The following TNFRSF8 variants were observed in gnomAD, a reference collection of about 807,000 sequenced individuals.
TNFRSF8 encodes tumor necrosis factor receptor superfamily member 8.
In TNFRSF8, 26 loss-of-function variants were observed where a neutral mutation model predicts 70.8. The observed-to-expected ratio is 0.37, with a 90% CI of 0.27 to 0.51. TNFRSF8 has a LOEUF of 0.51. Among genes scored for constraint, TNFRSF8 ranks in the 20% least tolerant of loss-of-function variants. TNFRSF8 has a pLI of 0.94. For synonymous variants in TNFRSF8, 356 were observed against 339.2 expected (o/e 1.05, Z -0.54); for missense variants, 720 against 807.9 (o/e 0.89, Z 1.32).
chr1:12,095,584 G>A (rs1388609307), intron 2 of TNFRSF8, among the ~76,000 whole-genome samples: 3 of 152,170 alleles, frequency 2.0e-5, no homozygotes, highest in South Asian at 2.1e-4. Context: ...CACCGCACCC[G>A]GCCTGTTACT....
chr1:12,106,612 G>A (rs2100998629), intron 4 of TNFRSF8, among the ~76,000 whole-genome samples: 1 of 152,246 alleles, frequency 6.6e-6, no homozygotes, highest in South Asian at 2.1e-4. Flanking sequence ...TAAGATATGG[G>A]GACACCTGAC....
intron 2 of TNFRSF8, among the ~76,000 whole-genome samples, chr1:12,093,135 A>G (rs1375847961): frequency 1.3e-5 from 2 of 152,126 alleles, no homozygotes; most frequent in African/African-American, 2.4e-5. Flanking sequence ...AACACCGGTC[A>G]GATTAGATTA....
intron 12 of TNFRSF8, among the ~76,000 whole-genome samples, chr1:12,134,315 T>C (rs1642106274): frequency 6.6e-6 from 1 of 152,118 alleles, no homozygotes; most frequent in Non-Finnish European, 1.5e-5. Context: ...TCTCCGTAGG[T>C]AGCGTTCTCA....
intron 12 of TNFRSF8, among the ~76,000 whole-genome samples, chr1:12,129,572 C>T (rs987066285): frequency 6.6e-6 from 1 of 152,178 alleles, no homozygotes; most frequent in African/African-American, 2.4e-5. Flanking sequence ...GCGTTTCTTT[C>T]ACTTACTGGG....
chr1:12,115,869 T>G lies in TNFRSF8; in HGVS notation c.946+140T>G. On this transcript the variant is annotated intron_variant, in intron 8 of 14. Coordinates refer to ENST00000263932, the MANE Select transcript of TNFRSF8 (RefSeq NM_001243.5). Reference sequence around the variant, plus strand: ...TCATTAGGTCAGGTTTGGGTTCTGGTTATCCTTTGAGTAGTCAGACTCAGT... The same window carrying G: ...TCATTAGGTCAGGTTTGGGTTCTGGGTATCCTTTGAGTAGTCAGACTCAGT... The G allele has an allele frequency of 3.4e-6, 3 of 877,586 alleles. No homozygotes were observed. The South Asian group carries it at 5.7e-5, about 17-fold the overall frequency. 54.4% of individuals were successfully genotyped at this position (877,586 alleles called of 1,614,324 possible). A position where few individuals can be genotyped will look rare whatever the true frequency, so the allele number is the denominator to read the frequency against.
At position 12,104,412 on chromosome 1, in the gene TNFRSF8, A is replaced by G. The variant is rs745346620; in HGVS notation, c.302A>G (p.Asn101Ser). The G allele has an allele frequency of 1.1e-5, 17 of 1,610,382 alleles. No homozygotes were observed. Among genetic ancestry groups the G allele is most frequent in the Non-Finnish European group, 1.4e-5 (17 of 1,178,908 alleles). Reference sequence around the variant, plus strand: ...GTGGAGAAGACGCCGTGTGCATGGAACTCCTCCCGTGTCTGCGAATGTCGA... The same window carrying G: ...GTGGAGAAGACGCCGTGTGCATGGAGCTCCTCCCGTGTCTGCGAATGTCGA... ...DLVEKTPCAW[N>S]SSRVCECRPG... Residue 101 changes from asparagine (N) to serine (S), a missense_variant, in exon 4 of 15, where the codon AAC (asparagine) becomes AGC (serine). Coordinates refer to ENST00000263932, the MANE Select transcript of TNFRSF8 (RefSeq NM_001243.5).
At chr1:12,095,312 A>C (rs1024755822) in intron 2 of TNFRSF8, among the ~76,000 whole-genome samples, 3 of 142,776 alleles carry the variant, frequency 2.1e-5, no homozygotes, top group African/African-American at 7.9e-5. Context: ...TTTGAGATGG[A>C]GTTTCGCTCC....
chr1:12,079,031 G>C (rs1641016511), intron 1 of TNFRSF8, among the ~76,000 whole-genome samples: 1 of 152,184 alleles, frequency 6.6e-6, no homozygotes, highest in Non-Finnish European at 1.5e-5. Context: ...GAGACAGGGA[G>C]GGGAGGGGTG....
chr1:12,112,596 A>G lies in TNFRSF8; in HGVS notation c.793+582A>G, dbSNP rs1490227673. 6.6e-6 allele frequency among the ~76,000 whole-genome samples: 1 copy of G among 152,040 alleles called. No individual in the cohort carries two copies. Among genetic ancestry groups the G allele is most frequent in the Non-Finnish European group, 1.5e-5 (1 of 68,012 alleles). On this transcript the variant is annotated intron_variant, in intron 7 of 14. Coordinates refer to ENST00000263932, the MANE Select transcript of TNFRSF8 (RefSeq NM_001243.5). The surrounding 1 kb of genome is among the most constrained non-coding windows in gnomAD (Gnocchi z 5.3). ...TTTTCATACAGATGGGGGTCTCACT[A>G]TGTTGCCCAGGCTGCTCTCGAACTC...
chr1:12,076,681 C>G (rs1366956666), intron 1 of TNFRSF8, among the ~76,000 whole-genome samples: 1 of 152,142 alleles, frequency 6.6e-6, no homozygotes, highest in Non-Finnish European at 1.5e-5. Flanking sequence ...TGCAGTGGGA[C>G]AACTGTGAGA....
chr1:12,084,395 C>A, intron 1 of TNFRSF8, 69 bp from the exon 2 acceptor site: 1 of 1,408,152 alleles, frequency 7.1e-7, no homozygotes, highest in Non-Finnish European at 1.0e-6. Flanking sequence ...CCTCCTGGGA[C>A]TGGTGGGGAC....
chr1:12,074,271 A>T (rs1206614618), intron 1 of TNFRSF8, among the ~76,000 whole-genome samples: 2 of 146,442 alleles, frequency 1.4e-5, no homozygotes, highest in South Asian at 4.3e-4. Context: ...TCCCAAAGTC[A>T]CCTTCTTTCT....
chr1:12,089,363 G>C (rs934039952), intron 2 of TNFRSF8, among the ~76,000 whole-genome samples: 1 of 152,156 alleles, frequency 6.6e-6, no homozygotes, highest in African/African-American at 2.4e-5. Flanking sequence ...ATACTCTTCT[G>C]TGACAGCCAG....
At chr1:12,126,855 A>T (rs966599349) in intron 12 of TNFRSF8, among the ~76,000 whole-genome samples, 1 of 152,244 alleles carries the variant, frequency 6.6e-6, no homozygotes. Flanking sequence ...TGTTAAGCGC[A>T]TCGTGGAGTA....
At chr1:12,072,942 G>C (rs749364564) in intron 1 of TNFRSF8, among the ~76,000 whole-genome samples, 9 of 152,316 alleles carry the variant, frequency 5.9e-5, no homozygotes, top group Non-Finnish European at 1.0e-4. Flanking sequence ...GGTCTGGGGG[G>C]CATGTGCCCT....
chr1:12,095,063 TA>T (rs1350750716), intron 2 of TNFRSF8, among the ~76,000 whole-genome samples: 1 of 152,208 alleles, frequency 6.6e-6, no homozygotes, highest in Non-Finnish European at 1.5e-5. Context: ...AGCTTCTAGC[TA>T]AAATTCACTT....
chr1:12,137,678 AG>A (rs1188279291), intron 13 of TNFRSF8, among the ~76,000 whole-genome samples: 5 of 151,522 alleles, frequency 3.3e-5, no homozygotes, highest in African/African-American at 9.7e-5. Flanking sequence ...GTCTGTTTTT[AG>A]AATGCTTGAG....
In TNFRSF8 at chr1:12,097,149, A is replaced by T; in HGVS notation, c.200A>T (p.Lys67Met). 1 of 1,614,130 alleles carries T rather than the reference A, an allele frequency of 6.2e-7. No individual in the cohort carries two copies. The highest frequency in any genetic ancestry group is 8.5e-7 in the Non-Finnish European group (1 of 1,179,984). ...CCACAGAGGCCTACTGACTGCAGGA[A>T]GCAGTGTGAGCCTGACTACTACCTG... ...QCPQRPTDCRKQCEPDYYLDE... is the reference protein window; with the variant it reads ...QCPQRPTDCRMQCEPDYYLDE... Residue 67 changes from lysine to methionine, a missense_variant, in exon 3 of 15, where the codon AAG becomes ATG. Coordinates refer to ENST00000263932, the MANE Select transcript of TNFRSF8 (RefSeq NM_001243.5).
intron 1 of TNFRSF8, among the ~76,000 whole-genome samples, chr1:12,069,600 T>C (rs972201194): frequency 6.6e-6 from 1 of 152,176 alleles, no homozygotes; most frequent in Non-Finnish European, 1.5e-5. Flanking sequence ...TCCTCCAACA[T>C]TTATTCCTCA....
Sources: allele counts gnomAD v4.1 joint callset (sites outside exome capture counted in the v4.1 genomes callset), GRCh38; gene constraint gnomAD v4.1.1; non-coding constraint Gnocchi (gnomAD v3.1); transcripts MANE v1.5; gene names NCBI Gene and HGNC (gene_info 2026-07-23, HGNC 2026-07-21).